The following SETD3 variants were observed in gnomAD, a reference collection of about 807,000 sequenced individuals.
SETD3 encodes actin-histidine N-methyltransferase.
A neutral mutation model predicts 63.0 loss-of-function variants in SETD3; 19 were observed. That is an observed-to-expected ratio of 0.30 (90% CI 0.21 to 0.44). SETD3 has a LOEUF of 0.44. Among genes scored for constraint, SETD3 ranks in the 20% least tolerant of loss-of-function variants. SETD3 has a pLI of 1.00. For synonymous variants in SETD3, 286 were observed against 264.1 expected, an observed-to-expected ratio of 1.08 and a Z score of -0.80; for missense variants, 587 against 728.5, an observed-to-expected ratio of 0.81 and a Z score of 2.24.
At chr14:99,406,447 T>G (rs1009768369) in intron 9 of SETD3, 69 bp downstream of exon 9, 4 of 1,392,420 alleles carry the variant, frequency 2.9e-6, no homozygotes, top group Non-Finnish European at 4.1e-6. Flanking sequence ...CTTTTTAAGA[T>G]TACCAACACG....
chr14:99,436,709 C>T (rs753374191), intron 6 of SETD3, among the ~76,000 whole-genome samples: 1 of 152,208 alleles, frequency 6.6e-6, no homozygotes, highest in Non-Finnish European at 1.5e-5. Context: ...CCTACCCACA[C>T]ACCAGAAAAA....
chr14:99,429,735 G>T (rs1039397992), intron 6 of SETD3, among the ~76,000 whole-genome samples: 14 of 152,158 alleles, frequency 9.2e-5, no homozygotes, highest in African/African-American at 3.4e-4. Flanking sequence ...AGGAAGAGGT[G>T]CCTCAACACC....
At chr14:99,419,542 G>C (rs1318660115) in intron 6 of SETD3, among the ~76,000 whole-genome samples, 3 of 152,062 alleles carry the variant, frequency 2.0e-5, no homozygotes, top group African/African-American at 7.2e-5. Flanking sequence ...TTGGGAGGCC[G>C]AAGCGGGCGG....
intron 8 of SETD3, among the ~76,000 whole-genome samples, chr14:99,407,851 C>T (rs918794103): frequency 2.0e-5 from 3 of 152,164 alleles, no homozygotes; most frequent in African/African-American, 7.2e-5. Flanking sequence ...CTCTGTGTCC[C>T]GAGTGCTCAG....
upstream of SETD3, chr14:99,481,324 C>CCATTGG: frequency 2.5e-6 from 1 of 397,962 alleles, no homozygotes; most frequent in Non-Finnish European, 4.4e-6. Flanking sequence ...TGCTTTCTTC[C>CCATTGG]CATTGGTTGA....
At chr14:99,455,141 G>A (rs1450203272) in intron 6 of SETD3, among the ~76,000 whole-genome samples, 7 of 152,178 alleles carry the variant, frequency 4.6e-5, no homozygotes, top group African/African-American at 1.7e-4. Flanking sequence ...CAGCCACAGC[G>A]CCTCTCACTT....
intron 4 of SETD3, 26 bp from the exon 5 acceptor site, chr14:99,459,211 AATCATCAAAAC>A (rs1894934108): frequency 6.5e-7 from 1 of 1,530,684 alleles, no homozygotes; most frequent in African/African-American, 1.4e-5. Flanking sequence ...ATAATAGGAG[AATCATCAAAAC>A]ACGGTACAGT....
At chr14:99,431,252 T>C (rs1893161004) in intron 6 of SETD3, among the ~76,000 whole-genome samples, 1 of 152,234 alleles carries the variant, frequency 6.6e-6, no homozygotes, top group Non-Finnish European at 1.5e-5. Flanking sequence ...GCTCTCATAC[T>C]TCTCATCCAA....
intron 6 of SETD3, among the ~76,000 whole-genome samples, chr14:99,435,072 G>A (rs1005277149): frequency 6.6e-6 from 1 of 151,948 alleles, no homozygotes; most frequent in South Asian, 2.1e-4. Flanking sequence ...TAACAAAGTA[G>A]TCAAAGGCCT....
chr14:99,400,326 C>T, intron 11 of SETD3, 67 bp from the exon 12 acceptor site: 1 of 1,491,982 alleles, frequency 6.7e-7, no homozygotes, highest in South Asian at 1.2e-5. Context: ...AACAAGCAAT[C>T]TACCTTAGAA....
At chr14:99,470,673 T>TGAA (rs571602637) in intron 1 of SETD3, among the ~76,000 whole-genome samples, 2 of 152,258 alleles carry the variant, frequency 1.3e-5, no homozygotes, top group South Asian at 4.2e-4. Flanking sequence ...CTTAAGTCAC[T>TGAA]GAAGGCAAGT....
At chr14:99,419,314 CTTAAA>C (rs771885842) in intron 6 of SETD3, among the ~76,000 whole-genome samples, 60 of 152,128 alleles carry the variant, frequency 3.9e-4, no homozygotes, top group Admixed American at 9.2e-4. Flanking sequence ...ATTTAAAAAA[CTTAAA>C]TTAAGAAAAT....
intron 9 of SETD3, among the ~76,000 whole-genome samples, chr14:99,405,953 T>A (rs1469106935): frequency 6.6e-6 from 1 of 152,214 alleles, no homozygotes; most frequent in Non-Finnish European, 1.5e-5. Flanking sequence ...ATTATGGATG[T>A]GAGTTCCATG....
chr14:99,437,979 A>T (rs1193628776), intron 6 of SETD3, among the ~76,000 whole-genome samples: 2 of 152,186 alleles, frequency 1.3e-5, no homozygotes, highest in Non-Finnish European at 2.9e-5. Flanking sequence ...AACCACAGCC[A>T]CTAATTCACT....
chr14:99,483,982 A>G (rs1181825882), upstream of SETD3, among the ~76,000 whole-genome samples: 4 of 152,272 alleles, frequency 2.6e-5, no homozygotes, highest in Non-Finnish European at 5.9e-5. Flanking sequence ...AGGCTGAAAT[A>G]TAATAATAGG....
intron 1 of SETD3, among the ~76,000 whole-genome samples, chr14:99,470,982 T>C (rs1895670285): frequency 6.6e-6 from 1 of 152,202 alleles, no homozygotes; most frequent in Non-Finnish European, 1.5e-5. Context: ...CGAAATGCCC[T>C]GACCCCTTGG....
chr14:99,485,243 T>TC (rs1322290613), upstream of SETD3, among the ~76,000 whole-genome samples: 20 of 152,326 alleles, frequency 1.3e-4, no homozygotes, highest in Non-Finnish European at 2.4e-4. Flanking sequence ...TTGAATATAC[T>TC]TACGATTTAT....
intron 8 of SETD3, among the ~76,000 whole-genome samples, chr14:99,410,620 T>C (rs976127271): frequency 6.6e-6 from 1 of 152,206 alleles, no homozygotes; most frequent in Non-Finnish European, 1.5e-5. Flanking sequence ...ATGCAAGATA[T>C]AAAGATGTGT....
intron 6 of SETD3, among the ~76,000 whole-genome samples, chr14:99,446,446 T>C (rs2139737192): frequency 6.6e-6 from 1 of 152,272 alleles, no homozygotes; most frequent in Admixed American, 6.5e-5. Context: ...AGTCTTACCG[T>C]GCTCAGCCCA....
Sources: gnomAD v4.1 joint callset for allele counts (sites outside exome capture counted in the v4.1 genomes callset) on GRCh38, gnomAD v4.1.1 for gene constraint, MANE v1.5 for transcripts, NCBI Gene and HGNC (gene_info 2026-07-23, HGNC 2026-07-21) for gene names.